CDHR3: variants seen among roughly 807,000 people sequenced by gnomAD.
CDHR3 encodes the protein cadherin-related family member 3.
A neutral mutation model predicts 86.6 loss-of-function variants in CDHR3; 79 were observed. That is an observed-to-expected ratio of 0.91 (90% CI 0.76 to 1.10). The LOEUF (loss-of-function observed/expected upper bound fraction) is 1.10, where lower values mean the gene tolerates loss of function less well. Among genes scored for constraint, CDHR3 ranks in the 50% least tolerant of loss-of-function variants. CDHR3 has a pLI of 0.00. For missense variants in CDHR3, 1,081 were observed against 1,077.6 expected (o/e 1.00, Z -0.04); for synonymous variants, 421 against 402.4 (o/e 1.05, Z -0.55).
At chr7:105,967,640 C>A (rs942771775) in intron 1 of CDHR3, among the ~76,000 whole-genome samples, 1 of 152,134 alleles carries the variant, frequency 6.6e-6, no homozygotes, top group African/African-American at 2.4e-5. Flanking sequence ...TTTTAATGAT[C>A]ACCATTCTAA....
chr7:106,028,728 T>C (rs1466401537), intron 17 of CDHR3, 146 bp downstream of exon 17: 2 of 766,986 alleles, frequency 2.6e-6, no homozygotes, highest in Non-Finnish European at 4.3e-6. Flanking sequence ...CAGATTGCTG[T>C]GTGACGAGCT....
At chr7:106,007,542 G>GTC (rs1834119980) in intron 8 of CDHR3, among the ~76,000 whole-genome samples, 1 of 152,186 alleles carries the variant, frequency 6.6e-6, no homozygotes, top group African/African-American at 2.4e-5. Context: ...AGTTCTACAA[G>GTC]TCTCTAGGGC....
At chr7:106,016,119 C>A in intron 11 of CDHR3, 94 bp downstream of exon 11, 1 of 748,950 alleles carries the variant, frequency 1.3e-6, no homozygotes, top group South Asian at 1.6e-5. Context: ...CTGGAGGCCT[C>A]GCATGCTGTT....
Position 106,026,847 on chromosome 7 carries a change from G to A in CDHR3, c.2272+152G>A, listed in dbSNP as rs1470906353. ...CTGTGGCTGGAAGGAAGCGGAGGTC[G>A]GTTGCAGCTGGAGAATGGGAAGGGT... is the stretch of plus-strand genomic sequence containing the variant. On this transcript the variant is annotated intron_variant, in intron 16 of 18. Coordinates refer to ENST00000317716, the MANE Select transcript of CDHR3 (RefSeq NM_152750.5). 2.6e-5 allele frequency among the ~76,000 whole-genome samples: 4 copies of A among 152,134 alleles called. 1 individual carries two copies. Among genetic ancestry groups the A allele is most frequent in the Admixed American group, 2.0e-4 (3 of 15,276 alleles).
chr7:105,977,523 G>A (rs759790346), intron 2 of CDHR3, among the ~76,000 whole-genome samples: 17 of 152,126 alleles, frequency 1.1e-4, no homozygotes, highest in African/African-American at 1.7e-4. Flanking sequence ...CCGCAGCTGC[G>A]TACAACCCTG....
intron 11 of CDHR3, among the ~76,000 whole-genome samples, chr7:106,017,608 C>A (rs1256678336): frequency 6.8e-6 from 1 of 147,638 alleles, no homozygotes. Context: ...CACACACACA[C>A]AAAGATATAA....
chr7:105,968,155 A>C (rs2727751), intron 1 of CDHR3, among the ~76,000 whole-genome samples: 40,609 of 151,800 alleles, frequency 0.27, 5,981 homozygotes, highest in East Asian at 0.68. Context: ...GTGTCCTATA[A>C]AGGGCTCTTT....
intron 2 of CDHR3, among the ~76,000 whole-genome samples, chr7:105,979,173 CA>C (rs1169349613): frequency 7.9e-5 from 12 of 152,172 alleles, no homozygotes; most frequent in Admixed American, 2.0e-4. Context: ...CCCCATTTTA[CA>C]GATGGGAAAA....
At chr7:105,979,398 C>T (rs915105889) in intron 2 of CDHR3, among the ~76,000 whole-genome samples, 4 of 152,146 alleles carry the variant, frequency 2.6e-5, no homozygotes, top group African/African-American at 9.7e-5. Flanking sequence ...ATCTTCCATA[C>T]CCTCTCCTTT....
Position 106,020,556 on chromosome 7 carries a change from G to T in CDHR3, c.1825+12G>T. On this transcript the variant is annotated intron_variant, in intron 13 of 18. Transcript: ENST00000317716. ...TTCCATTGGCCCAGGTATAGTACTTGGTGTCGACAATCCTGGCCCTGTCTC... is the reference window on the plus strand; with the variant it reads ...TTCCATTGGCCCAGGTATAGTACTTTGTGTCGACAATCCTGGCCCTGTCTC... 1 of 1,607,556 alleles carries T rather than the reference G, an allele frequency of 6.2e-7. No homozygotes were observed. Among genetic ancestry groups the T allele is most frequent in the Non-Finnish European group, 8.5e-7 (1 of 1,175,368 alleles).
chr7:106,020,055 G>C (rs1178596879), intron 12 of CDHR3, among the ~76,000 whole-genome samples: 1 of 152,070 alleles, frequency 6.6e-6, no homozygotes, highest in African/African-American at 2.4e-5. Context: ...GTGTGGGGGG[G>C]GGGCAAGGTA....
chr7:105,980,623 A>T (rs200176469), intron 2 of CDHR3, among the ~76,000 whole-genome samples: 341 of 107,582 alleles, frequency 3.2e-3, no homozygotes, highest in African/African-American at 4.7e-3. Context: ...TTTTTTTTTA[A>T]TTTTTTTTTT....
chr7:106,032,806 C>T lies in CDHR3; in HGVS notation c.*109C>T, dbSNP rs893923260. On this transcript the variant is annotated 3_prime_UTR_variant, in exon 19 of 19. Coordinates refer to ENST00000317716, the MANE Select transcript of CDHR3 (RefSeq NM_152750.5). ...GGGGAAAATGTGGGCTGAGGGGATT[C>T]AGACATCCAGGGTCAAACATGGGAT... 1.7e-6 allele frequency: 2 copies of T among 1,174,770 alleles called. No homozygotes were observed. The highest frequency in any genetic ancestry group is 3.4e-5 in the South Asian group (2 of 59,176). 72.8% of individuals were successfully genotyped at this position (1,174,770 alleles called of 1,614,324 possible). A position where few individuals can be genotyped will look rare whatever the true frequency, so the allele number is the denominator to read the frequency against.
rs1838797328 is a variant in CDHR3, at chr7:106,035,026, C to T, written c.*2329C>T. Among the ~76,000 whole-genome samples the T allele has an allele frequency of 1.3e-5, 2 of 151,006 alleles. No homozygotes were observed. The highest frequency in any genetic ancestry group is 2.4e-5 in the African/African-American group (1 of 40,974). Reference sequence around the variant, plus strand: ...CCCAGGAGGCAGAAGTTGCAGTGGGCTGAGATTGCGCCACTGCACTCCAGC... The same window carrying T: ...CCCAGGAGGCAGAAGTTGCAGTGGGTTGAGATTGCGCCACTGCACTCCAGC... On this transcript the variant is annotated 3_prime_UTR_variant, in exon 19 of 19. Coordinates refer to ENST00000317716, the MANE Select transcript of CDHR3 (RefSeq NM_152750.5).
intron 11 of CDHR3, among the ~76,000 whole-genome samples, chr7:106,017,129 A>G (rs1276660920): frequency 1.3e-5 from 2 of 152,244 alleles, no homozygotes; most frequent in African/African-American, 2.4e-5. Context: ...AGAGCAATTC[A>G]TGCTCATTAT....
Position 106,030,841 on chromosome 7 carries a change from G to T in CDHR3, c.2353+1G>T. ...TTTGATGGAGAAGCCATAGATCCAG[G>T]TAATTAAGTGGCAATACCACTGTAA... is the stretch of plus-strand genomic sequence containing the variant. On this transcript the variant is annotated splice_donor_variant, in intron 18 of 18. Transcript: ENST00000317716. LOFTEE classifies it high-confidence loss of function. This position sits in a 1 kb window ranked among gnomAD's most constrained non-coding sequence, Gnocchi z 4.8. The T allele has an allele frequency of 6.2e-7, 1 of 1,609,784 alleles. No homozygotes were observed. The highest frequency in any genetic ancestry group is 1.1e-5 in the South Asian group (1 of 89,880).
chr7:105,977,304 G>C (rs372693476), intron 2 of CDHR3, among the ~76,000 whole-genome samples: 170 of 152,310 alleles, frequency 1.1e-3, no homozygotes, highest in African/African-American at 3.9e-3. Context: ...TGCCATGTAT[G>C]TCTATCGCTG....
At chr7:105,999,881 A>G (rs776267739) in intron 6 of CDHR3, among the ~76,000 whole-genome samples, 37 of 152,346 alleles carry the variant, frequency 2.4e-4, no homozygotes, top group Non-Finnish European at 4.0e-4. Context: ...GCAGTAGCTC[A>G]TGGCTGTGTG....
intron 6 of CDHR3, among the ~76,000 whole-genome samples, chr7:105,998,811 A>G (rs2115773302): frequency 6.6e-6 from 1 of 152,140 alleles, no homozygotes; most frequent in Non-Finnish European, 1.5e-5. Flanking sequence ...GAAAAAGAAA[A>G]AAAAAAAGCA....
Sources: allele counts gnomAD v4.1 joint callset (sites outside exome capture counted in the v4.1 genomes callset), GRCh38; gene constraint gnomAD v4.1.1; non-coding constraint Gnocchi (gnomAD v3.1); transcripts MANE v1.5; gene names NCBI Gene and HGNC (gene_info 2026-07-23, HGNC 2026-07-21).